SPON1: variants seen among roughly 807,000 people sequenced by gnomAD.
The protein encoded by SPON1 is spondin 1, also known as spondin-1.
Under a neutral mutation model 111.7 loss-of-function variants are expected in SPON1, and 52 were observed. The observed-to-expected ratio is 0.47, with a 90% CI of 0.37 to 0.59. SPON1 has a LOEUF of 0.59. Among genes scored for constraint, SPON1 ranks in the 20% least tolerant of loss-of-function variants. The probability of loss-of-function intolerance (pLI) is 0.00; values close to 1 mark genes in which losing one functional copy is unlikely to be tolerated. For synonymous variants in SPON1, 410 were observed against 395.8 expected (o/e 1.04, Z -0.43); for missense variants, 957 against 1,068.5 (o/e 0.90, Z 1.46).
intron 5 of SPON1, among the ~76,000 whole-genome samples, chr11:14,108,283 C>T (rs1227036787): frequency 1.3e-5 from 2 of 152,176 alleles, no homozygotes. Flanking sequence ...ACAGCAAGGA[C>T]TGTGTTAGCT....
intron 6 of SPON1, among the ~76,000 whole-genome samples, chr11:14,150,327 G>A (rs1460845426): frequency 6.6e-6 from 1 of 151,868 alleles, no homozygotes; most frequent in African/African-American, 2.4e-5. Context: ...GGAGTCAGGG[G>A]ATGGTGAGAG....
chr11:14,068,619 C>T (rs544035906), intron 3 of SPON1, among the ~76,000 whole-genome samples: 1 of 152,282 alleles, frequency 6.6e-6, no homozygotes, highest in Admixed American at 6.5e-5. Context: ...GCAAAGTTCC[C>T]GTCCCTGGTT....
chr11:14,168,705 T>C (rs1285147851), intron 6 of SPON1, among the ~76,000 whole-genome samples: 3 of 141,248 alleles, frequency 2.1e-5, no homozygotes. Context: ...CCTGTGTCCA[T>C]GTGTTCTCAT....
intron 5 of SPON1, among the ~76,000 whole-genome samples, chr11:14,087,637 T>C (rs112115182): frequency 2.0e-5 from 3 of 152,292 alleles, no homozygotes; most frequent in Admixed American, 6.5e-5. Context: ...TTGGGGTAGA[T>C]AGTTCTGTAG....
chr11:14,178,633 T>G (rs1848206611), intron 6 of SPON1, among the ~76,000 whole-genome samples: 2 of 152,298 alleles, frequency 1.3e-5, no homozygotes, highest in African/African-American at 2.4e-5. Flanking sequence ...AAGCAGTCAG[T>G]AATAAATATG....
chr11:14,026,680 G>A (rs1275562551), intron 2 of SPON1, among the ~76,000 whole-genome samples: 3 of 152,204 alleles, frequency 2.0e-5, no homozygotes, highest in African/African-American at 7.2e-5. Flanking sequence ...AAGGATAACA[G>A]GGAGGTTGAG....
chr11:14,252,646 C>T (rs577326890), intron 7 of SPON1, among the ~76,000 whole-genome samples: 130 of 144,500 alleles, frequency 9.0e-4, no homozygotes, highest in African/African-American at 3.3e-3. Flanking sequence ...GCAAGACCTG[C>T]GCAGAGTGTG....
intron 6 of SPON1, among the ~76,000 whole-genome samples, chr11:14,168,189 T>C (rs1848053566): frequency 1.3e-5 from 2 of 152,160 alleles, no homozygotes; most frequent in South Asian, 2.1e-4. Context: ...AGTAGGTAAA[T>C]TGAACAATTT....
intron 2 of SPON1, among the ~76,000 whole-genome samples, chr11:13,991,779 C>T (rs1418058754): frequency 2.6e-5 from 4 of 151,992 alleles, no homozygotes; most frequent in African/African-American, 9.7e-5. Context: ...CGTGCTATTC[C>T]TTTCTGTTTG....
chr11:14,027,142 G>A (rs1018613622), intron 2 of SPON1, among the ~76,000 whole-genome samples: 4 of 152,276 alleles, frequency 2.6e-5, no homozygotes, highest in Middle Eastern at 3.4e-3. Flanking sequence ...CACTGGCGTT[G>A]TAAGAAATGA....
intron 2 of SPON1, among the ~76,000 whole-genome samples, chr11:13,989,444 T>C (rs1268263795): frequency 2.0e-5 from 3 of 152,120 alleles, no homozygotes; most frequent in South Asian, 4.1e-4. Flanking sequence ...CTCTTTTCTT[T>C]ATTAGTCTGG....
At chr11:14,223,163 G>A (rs1448334225) in intron 6 of SPON1, among the ~76,000 whole-genome samples, 2 of 152,158 alleles carry the variant, frequency 1.3e-5, no homozygotes, top group African/African-American at 4.8e-5. Context: ...TTAGGAGTTC[G>A]AGACCAGCCT....
At chr11:14,247,417 T>C (rs1451018017) in intron 7 of SPON1, among the ~76,000 whole-genome samples, 1 of 152,030 alleles carries the variant, frequency 6.6e-6, no homozygotes, top group Non-Finnish European at 1.5e-5. Flanking sequence ...TGGTAAATCA[T>C]TGAAGGGTTT....
At chr11:14,245,423 G>A (rs1848978324) in intron 7 of SPON1, among the ~76,000 whole-genome samples, 1 of 152,196 alleles carries the variant, frequency 6.6e-6, no homozygotes, top group Non-Finnish European at 1.5e-5. Flanking sequence ...CACAAGTCCA[G>A]GCAGCACCAT....
intron 6 of SPON1, among the ~76,000 whole-genome samples, chr11:14,215,476 C>T (rs1360678826): frequency 1.3e-5 from 2 of 152,144 alleles, no homozygotes; most frequent in South Asian, 2.1e-4. Context: ...CTGCATGACT[C>T]TTCAGCATGG....
chr11:14,081,083 C>CAA (rs71041567), intron 5 of SPON1, among the ~76,000 whole-genome samples: 2 of 133,232 alleles, frequency 1.5e-5, no homozygotes, highest in African/African-American at 2.8e-5. Flanking sequence ...GACTCTGACT[C>CAA]AAAAAAAAAA....
intron 6 of SPON1, among the ~76,000 whole-genome samples, chr11:14,198,463 G>A (rs529501480): frequency 1.3e-5 from 2 of 152,322 alleles, no homozygotes; most frequent in South Asian, 4.1e-4. Flanking sequence ...TTGGTTTGTT[G>A]CTATGGAATT....
At chr11:13,963,771 G>A (rs1003886679) in intron 1 of SPON1, among the ~76,000 whole-genome samples, 43 of 152,196 alleles carry the variant, frequency 2.8e-4, no homozygotes, top group African/African-American at 1.0e-3. Flanking sequence ...TTATTCTCTC[G>A]TGGTCCCAGA....
At chr11:14,109,815 A>G (rs1849214063) in intron 5 of SPON1, among the ~76,000 whole-genome samples, 1 of 152,098 alleles carries the variant, frequency 6.6e-6, no homozygotes, top group African/African-American at 2.4e-5. Context: ...AAGGGTAGAA[A>G]CTGACACCTT....
Sources: gnomAD v4.1 joint callset for allele counts (sites outside exome capture counted in the v4.1 genomes callset) on GRCh38, gnomAD v4.1.1 for gene constraint, MANE v1.5 for transcripts, NCBI Gene and HGNC (gene_info 2026-07-23, HGNC 2026-07-21) for gene names.